CDH12: variants seen among roughly 807,000 people sequenced by gnomAD.
CDH12 encodes the protein cadherin-12.
In CDH12, 41 loss-of-function variants were observed where a neutral mutation model predicts 74.1. The observed-to-expected ratio is 0.55, with a 90% CI of 0.43 to 0.72. The LOEUF is 0.72. Among genes scored for constraint, CDH12 ranks in the 30% least tolerant of loss-of-function variants. CDH12 has a pLI of 0.00. For missense variants in CDH12, 945 were observed against 977.2 expected (o/e 0.97, Z 0.44); for synonymous variants, 399 against 355.0 (o/e 1.12, Z -1.39).
At chr5:22,117,501 AATATATATATAATATATATATAAT>A (rs1745230856) in intron 4 of CDH12, among the ~76,000 whole-genome samples, 8 of 70,868 alleles carry the variant, frequency 1.1e-4, no homozygotes, top group African/African-American at 4.5e-4. Context: ...ATATATATAT[AATATATATATAATATATATATAAT>A]ATATATATAT....
In CDH12 at chr5:22,815,603, C is replaced by G. The variant is rs1002220080; in HGVS notation, c.-523+37455G>C. ...TGGCCAACATGGTGAAACCCCATCT[C>G]TACTAAAAATACAAAAATTAGCCGG... On this transcript the variant is annotated intron_variant, in intron 1 of 14. Coordinates refer to ENST00000382254, the MANE Select transcript of CDH12 (RefSeq NM_004061.5). Among the ~76,000 whole-genome samples, 17 of 151,710 alleles carry G rather than the reference C, an allele frequency of 1.1e-4. 1 individual carries two copies. In the East Asian group the frequency reaches 3.1e-3, roughly 28 times the overall value.
chr5:22,792,756 G>A (rs964763986), intron 1 of CDH12, among the ~76,000 whole-genome samples: 2 of 152,164 alleles, frequency 1.3e-5, no homozygotes, highest in Non-Finnish European at 2.9e-5. Context: ...GTGTGGTCAG[G>A]AAACGGGAGT....
chr5:22,625,968 C>G (rs1023576681), intron 1 of CDH12, among the ~76,000 whole-genome samples: 9 of 152,096 alleles, frequency 5.9e-5, no homozygotes, highest in African/African-American at 1.9e-4. Flanking sequence ...CTCCCCTCCT[C>G]CAATGGCATG....
chr5:22,034,067 A>T (rs1427360038), intron 5 of CDH12, among the ~76,000 whole-genome samples: 1 of 152,186 alleles, frequency 6.6e-6, no homozygotes, highest in East Asian at 1.9e-4. Flanking sequence ...TTTTTGAGAC[A>T]GAACCTCACT....
At chr5:22,799,827 C>T (rs1024677431) in intron 1 of CDH12, among the ~76,000 whole-genome samples, 1 of 152,058 alleles carries the variant, frequency 6.6e-6, no homozygotes, top group Non-Finnish European at 1.5e-5. Context: ...TACAAAACAA[C>T]ACACAAACAT....
At chr5:22,348,372 G>T (rs142186057) in intron 3 of CDH12, among the ~76,000 whole-genome samples, 1 of 152,212 alleles carries the variant, frequency 6.6e-6, no homozygotes, top group African/African-American at 2.4e-5. Context: ...TTTGAATGTC[G>T]GAATTTGTTC....
rs561674161 is a variant in CDH12 at position 22,357,074 on chromosome 5, T to G, written c.-333+48183A>C. On this transcript the variant is annotated intron_variant, in intron 3 of 14. Transcript: ENST00000382254. ...ATCTATCTAGCTAGATAGAGAGATATAGAGACAGCCAGATAGAGATATTAT... is the reference window on the plus strand; with the variant it reads ...ATCTATCTAGCTAGATAGAGAGATAGAGAGACAGCCAGATAGAGATATTAT... Among the ~76,000 whole-genome samples, 4 of 152,184 alleles carry G rather than the reference T, an allele frequency of 2.6e-5. No homozygotes were observed. The South Asian group carries it at 8.3e-4, about 32-fold the overall frequency.
intron 6 of CDH12, among the ~76,000 whole-genome samples, chr5:21,867,311 C>T (rs932115269): frequency 7.2e-5 from 11 of 152,196 alleles, no homozygotes; most frequent in Admixed American, 2.6e-4. Flanking sequence ...GCTGAGGTCA[C>T]GCCATTACAC....
intron 3 of CDH12, among the ~76,000 whole-genome samples, chr5:22,342,666 TCTTTC>T (rs1487739399): frequency 2.0e-5 from 3 of 149,876 alleles, no homozygotes; most frequent in Non-Finnish European, 1.5e-5. Flanking sequence ...TCTTTCTCTT[TCTTTC>T]CTTTCCTTCT....
intron 1 of CDH12, among the ~76,000 whole-genome samples, chr5:22,616,403 G>A (rs756524373): frequency 2.0e-5 from 3 of 152,010 alleles, no homozygotes; most frequent in Non-Finnish European, 4.4e-5. Flanking sequence ...GTGTGAATTT[G>A]AGTATTTGAG....
intron 1 of CDH12, among the ~76,000 whole-genome samples, chr5:22,613,881 TTTAAG>T (rs1375052836): frequency 1.8e-4 from 28 of 152,138 alleles, no homozygotes; most frequent in African/African-American, 6.3e-4. Flanking sequence ...TAAAAAAATG[TTTAAG>T]TTAACAACTT....
At chr5:21,926,568 G>C (rs1754592539) in intron 6 of CDH12, among the ~76,000 whole-genome samples, 1 of 152,166 alleles carries the variant, frequency 6.6e-6, no homozygotes, top group South Asian at 2.1e-4. Flanking sequence ...TTGAGAAAGA[G>C]TGGAATAAAC....
At chr5:22,349,745 T>C (rs1199476350) in intron 3 of CDH12, among the ~76,000 whole-genome samples, 1 of 152,088 alleles carries the variant, frequency 6.6e-6, no homozygotes, top group Non-Finnish European at 1.5e-5. Context: ...TAGCTAATCT[T>C]TTTTTTTGAG....
chr5:22,192,680 G>T (rs1006300670), intron 4 of CDH12, among the ~76,000 whole-genome samples: 1 of 152,050 alleles, frequency 6.6e-6, no homozygotes, highest in African/African-American at 2.4e-5. Context: ...GGTAAGGAGG[G>T]GTGGGATAAG....
chr5:21,853,244 C>T (rs1392897662), intron 7 of CDH12, among the ~76,000 whole-genome samples: 3 of 151,526 alleles, frequency 2.0e-5, no homozygotes, highest in Admixed American at 6.6e-5. Flanking sequence ...GTAATTTTCT[C>T]ATCATGCACT....
intron 1 of CDH12, among the ~76,000 whole-genome samples, chr5:22,687,934 G>A (rs1407856005): frequency 2.0e-5 from 3 of 152,106 alleles, no homozygotes; most frequent in South Asian, 2.1e-4. Flanking sequence ...TCATAGTCTT[G>A]CTAAGTTTCA....
intron 3 of CDH12, among the ~76,000 whole-genome samples, chr5:22,345,843 C>T (rs1403304007): frequency 1.3e-5 from 2 of 152,158 alleles, no homozygotes; most frequent in Non-Finnish European, 2.9e-5. Context: ...GTGGCTCATG[C>T]CTGTAATCCC....
At chr5:22,499,572 T>C (rs1407215433) in intron 2 of CDH12, among the ~76,000 whole-genome samples, 2 of 152,126 alleles carry the variant, frequency 1.3e-5, no homozygotes, top group Non-Finnish European at 2.9e-5. Context: ...TGTCAAAGAA[T>C]ACATACTTAA....
chr5:21,823,867 T>C (rs1270320842), intron 8 of CDH12, among the ~76,000 whole-genome samples: 1 of 152,126 alleles, frequency 6.6e-6, no homozygotes, highest in Admixed American at 6.6e-5. Context: ...ATGTAAGATA[T>C]GATACAAACT....
Sources: gnomAD v4.1 joint callset for allele counts (sites outside exome capture counted in the v4.1 genomes callset) on GRCh38, gnomAD v4.1.1 for gene constraint, MANE v1.5 for transcripts, NCBI Gene and HGNC (gene_info 2026-07-23, HGNC 2026-07-21) for gene names.